DEK: variants seen among roughly 807,000 people sequenced by gnomAD.
DEK encodes DEK proto-oncogene, also known as protein DEK.
A neutral mutation model predicts 46.8 loss-of-function variants in DEK; 28 were observed. The ratio of observed to expected loss-of-function variants is 0.60; its 90% confidence interval spans 0.44 to 0.82. The LOEUF is 0.82. Ranked by LOEUF, DEK falls within the 40% of genes least tolerant of loss-of-function variation. The pLI is 0.00. For synonymous variants in DEK, 160 were observed against 144.5 expected (o/e 1.11, Z -0.77); for missense variants, 416 against 430.6 (o/e 0.97, Z 0.30).
At chr6:18,262,785 GTTAAGCA>G (rs1791935668) in intron 2 of DEK, among the ~76,000 whole-genome samples, 1 of 152,194 alleles carries the variant, frequency 6.6e-6, no homozygotes, top group African/African-American at 2.4e-5. Context: ...ATAACATGTT[GTTAAGCA>G]ATAGTTTATG....
intron 10 of DEK, 173 bp from the exon 11 acceptor site, chr6:18,225,903 A>G: frequency 1.3e-6 from 1 of 799,924 alleles, no homozygotes; most frequent in East Asian, 2.7e-5. Context: ...TTCCTCAAGT[A>G]TTTGTGAGAG....
intron 10 of DEK, 151 bp from the exon 11 acceptor site, chr6:18,225,881 G>T: frequency 1.1e-6 from 1 of 930,544 alleles, no homozygotes; most frequent in Non-Finnish European, 1.6e-6. Flanking sequence ...CCTTTGCCTC[G>T]TAGACAGGAA....
rs1790035427 is a variant in DEK at position 18,224,779 on chromosome 6, G to C, written c.*940C>G. ...GGGCAAAAGCAGTTAATAAAAATCA[G>C]TTCATTTACTGTAAGCCAAATGTGC... On this transcript the variant is annotated 3_prime_UTR_variant, in exon 11 of 11. Transcript: ENST00000652689. 1.4e-5 allele frequency: 3 copies of C among 212,904 alleles called. No homozygotes were observed. The highest frequency in any genetic ancestry group is 2.8e-5 in the Non-Finnish European group (3 of 105,282). 13.2% of individuals were successfully genotyped at this position (212,904 alleles called of 1,614,324 possible).
chr6:18,263,959 C>G lies in DEK; in HGVS notation c.29G>C (p.Gly10Ala). 1 of 1,612,676 alleles carries G rather than the reference C, an allele frequency of 6.2e-7. No homozygotes were observed. Among genetic ancestry groups the G allele is most frequent in the Non-Finnish European group, 8.5e-7 (1 of 1,179,492 alleles). Residue 10 changes from glycine (G) to alanine (A), a missense_variant, in exon 2 of 11, where the codon GGG becomes GCG. By Grantham distance (60) the Gly-to-Ala change is moderately conservative. Transcript: ENST00000652689. Reference sequence around the variant, plus strand: ...CGCGGGCTGGGTGGGGGTTCCCTCCCCCTCCGCAGCAGGGGCCGAGGCGGA... The same window carrying G: ...CGCGGGCTGGGTGGGGGTTCCCTCCGCCTCCGCAGCAGGGGCCGAGGCGGA... MSASAPAAE[G>A]EGTPTQPASE...
At chr6:18,228,569 G>A (rs1790242119) in intron 9 of DEK, among the ~76,000 whole-genome samples, 1 of 152,158 alleles carries the variant, frequency 6.6e-6, no homozygotes, top group Admixed American at 6.5e-5. Flanking sequence ...CTGAAGCAGG[G>A]CAAGGCATCG....
intron 9 of DEK, among the ~76,000 whole-genome samples, chr6:18,232,880 C>T (rs1034015153): frequency 8.5e-5 from 13 of 152,108 alleles, no homozygotes; most frequent in Admixed American, 2.6e-4. Flanking sequence ...AAAAAGAGCC[C>T]GCATTGCCAA....
intron 9 of DEK, among the ~76,000 whole-genome samples, chr6:18,229,469 A>G (rs1790304541): frequency 6.6e-6 from 1 of 152,198 alleles, no homozygotes; most frequent in Non-Finnish European, 1.5e-5. Flanking sequence ...CAAAGAAGCT[A>G]AAAACCTTGA....
chr6:18,231,408 C>CA (rs1255884864), intron 9 of DEK, among the ~76,000 whole-genome samples: 1 of 151,864 alleles, frequency 6.6e-6, no homozygotes, highest in Non-Finnish European at 1.5e-5. Context: ...AAAAAACCTT[C>CA]AAAAAAAGCA....
chr6:18,228,953 T>G (rs539785927), intron 9 of DEK, among the ~76,000 whole-genome samples: 1 of 152,082 alleles, frequency 6.6e-6, no homozygotes, highest in Non-Finnish European at 1.5e-5. Context: ...ACAGACTGCC[T>G]CAAGTGAGTC....
intron 6 of DEK, 116 bp downstream of exon 6, chr6:18,255,615 C>T (rs990002246): frequency 1.1e-5 from 14 of 1,234,548 alleles, no homozygotes; most frequent in African/African-American, 1.5e-5. Flanking sequence ...AAGGTATAGT[C>T]TTTGAATGTA....
chr6:18,249,375 C>G (rs1260045223), intron 7 of DEK, among the ~76,000 whole-genome samples: 1 of 152,144 alleles, frequency 6.6e-6, no homozygotes, highest in Non-Finnish European at 1.5e-5. Flanking sequence ...CTTCCGCTTC[C>G]CTTCCCATTT....
Position 18,236,506 on chromosome 6 carries a change from TTTC to T in DEK, c.990_992del (p.Lys331del). ...CTTCCAAGTTAGCACTGGCCAGTAA[TTTC>T]TTTATTGTTTCCTTTAACTCTTCAT... On this transcript the variant is annotated inframe_deletion, in exon 9 of 11. Transcript: ENST00000652689. 1 of 1,607,288 alleles carries T rather than the reference TTTC, an allele frequency of 6.2e-7. No homozygotes were observed. Among genetic ancestry groups the T allele is most frequent in the Non-Finnish European group, 8.5e-7 (1 of 1,178,050 alleles).
Position 18,258,309 on chromosome 6 carries a change from G to A in DEK, c.242C>T (p.Ala81Val), listed in dbSNP as rs754332443. The A allele has an allele frequency of 2.5e-6, 4 of 1,605,742 alleles. No homozygotes were observed. The highest frequency in any genetic ancestry group is 3.4e-6 in the Non-Finnish European group (4 of 1,177,608). The change falls in exon 3 of 11, where the codon GCA becomes GTA. Residue 81 changes from alanine (A) to valine (V), a missense_variant. Transcript: ENST00000652689. ...SSLQREPFTI[A>V]QGKGQKLCEI... ...GGAAGCTAGAATAAACTTACCTTGT[G>A]CAATTGTAAATGGCTCTCTCTGTAA...
At chr6:18,263,713 A>C in intron 2 of DEK, 130 bp downstream of exon 2, 1 of 1,582,630 alleles carries the variant, frequency 6.3e-7, no homozygotes, top group Non-Finnish European at 8.5e-7. Flanking sequence ...TTGTGCACAC[A>C]TTCTCGCTGA....
chr6:18,261,907 G>A (rs961230112), intron 2 of DEK, among the ~76,000 whole-genome samples: 2 of 152,158 alleles, frequency 1.3e-5, no homozygotes, highest in Non-Finnish European at 2.9e-5. Flanking sequence ...TGGGGGACCG[G>A]GGGTGCAATG....
At chr6:18,231,340 C>T (rs1291225936) in intron 9 of DEK, among the ~76,000 whole-genome samples, 2 of 152,096 alleles carry the variant, frequency 1.3e-5, no homozygotes, top group African/African-American at 4.8e-5. Flanking sequence ...CATTCAAAAG[C>T]TAGCAGAAGG....
chr6:18,238,323 A>C (rs1240670868), intron 7 of DEK, among the ~76,000 whole-genome samples: 2 of 152,214 alleles, frequency 1.3e-5, no homozygotes, highest in Non-Finnish European at 1.5e-5. Context: ...AGATTCAAAT[A>C]TAGATGTGAC....
chr6:18,237,579 C>G, intron 7 of DEK, 63 bp from the exon 8 acceptor site: 1 of 1,522,212 alleles, frequency 6.6e-7, no homozygotes, highest in East Asian at 2.3e-5. Context: ...CATCCCATCC[C>G]TCTACTTCCC....
chr6:18,244,840 A>G (rs1791040196), intron 7 of DEK, among the ~76,000 whole-genome samples: 1 of 152,216 alleles, frequency 6.6e-6, no homozygotes, highest in Non-Finnish European at 1.5e-5. Flanking sequence ...TCAACGTGTG[A>G]GAGGAAGAGA....
Sources: allele counts gnomAD v4.1 joint callset (sites outside exome capture counted in the v4.1 genomes callset), GRCh38; gene constraint gnomAD v4.1.1; transcripts MANE v1.5; gene names NCBI Gene and HGNC (gene_info 2026-07-23, HGNC 2026-07-21).